NBPF10: variants seen among roughly 807,000 people sequenced by gnomAD.
NBPF10 encodes the protein NBPF member 10.
In NBPF10, 63 loss-of-function variants were observed where a neutral mutation model predicts 77.9. The observed-to-expected ratio is 0.81, with a 90% CI of 0.66 to 1.00. NBPF10 has a LOEUF of 1.00. NBPF10 is among the 50% of genes least tolerant of loss of function. NBPF10 has a pLI of 0.00. For missense variants in NBPF10, 522 were observed against 679.8 expected (o/e 0.77, Z 2.58); for synonymous variants, 146 against 264.5 (o/e 0.55, Z 4.35).
chr1:146,126,102 C>T, intron 14 of NBPF10, 134 bp downstream of exon 14: 2 of 669,230 alleles, frequency 3.0e-6, no homozygotes, highest in Non-Finnish European at 5.4e-6. Context: ...GAGTTTCATT[C>T]AACCTACATG....
exon 86 of NBPF10, chr1:146,069,632 C>G (rs587652859): frequency 9.0e-5 from 140 of 1,563,028 alleles, no homozygotes; most frequent in Admixed American, 2.5e-4. Flanking sequence ...CAGTTCAAGA[C>G]AACCTGAAGG....
rs371797548 is a variant in NBPF10, at chr1:146,126,488, A to T, written c.1854-80T>A. 9 of 728,968 alleles carry T rather than the reference A, an allele frequency of 1.2e-5. No homozygotes were observed. In the Admixed American group the frequency reaches 1.8e-4, roughly 14 times the overall value. The allele number at this position is 728,968 out of a possible 1,614,324, so 45.2% of individuals were successfully genotyped here. ...GCCCCAGCTAGATTTCATGGCTAAC[A>T]TAAGGAAGAGTTTGAAAAGAAAAAG... On this transcript the variant is annotated intron_variant, in intron 13 of 89. Transcript: ENST00000583866.
At chr1:146,125,099 C>T (rs1475080622) in intron 15 of NBPF10, among the ~76,000 whole-genome samples, 3 of 56,760 alleles carry the variant, frequency 5.3e-5, no homozygotes, top group Non-Finnish European at 9.9e-5. Context: ...GTGAGCTCAG[C>T]GAGTTGGCCG....
intron 2 of NBPF10, among the ~76,000 whole-genome samples, chr1:146,142,395 G>T (rs201090614): frequency 3.7e-5 from 5 of 134,394 alleles, no homozygotes; most frequent in African/African-American, 1.0e-4. Flanking sequence ...CTCCTTTGGT[G>T]AATTTTGTGT....
In NBPF10 at chr1:146,126,224, A is replaced by G. The variant is rs782296498; in HGVS notation, c.2026+12T>C. ...CAGTGGATCCTTATCACCTTCATAG[A>G]AAGGTACTCACCATCCATGTCAATA... On this transcript the variant is annotated intron_variant, in intron 14 of 89. Transcript: ENST00000583866. 2 of 1,576,566 alleles carry G rather than the reference A, an allele frequency of 1.3e-6. No individual in the cohort carries two copies. The highest frequency in any genetic ancestry group is 1.7e-6 in the Non-Finnish European group (2 of 1,148,220).
intron 7 of NBPF10, among the ~76,000 whole-genome samples, chr1:146,135,899 G>T (rs2102207170): frequency 6.8e-6 from 1 of 146,048 alleles, no homozygotes; most frequent in South Asian, 2.3e-4. Context: ...GTACAGAAAT[G>T]AGGCCAGGTG....
chr1:146,126,178 T>C (rs1190333946), intron 14 of NBPF10, 58 bp downstream of exon 14: 9 of 930,006 alleles, frequency 9.7e-6, no homozygotes, highest in East Asian at 2.4e-5. Flanking sequence ...GCAGTAGGAA[T>C]ATGACCCTAA....
chr1:146,141,906 C>G lies in NBPF10; in HGVS notation c.279-88G>C, dbSNP rs1553797503. 2.6e-5 allele frequency: 30 copies of G among 1,142,478 alleles called. 2 individuals carry two copies. The highest frequency in any genetic ancestry group is 3.8e-5 in the Non-Finnish European group (29 of 770,308). 70.8% of individuals were successfully genotyped at this position (1,142,478 alleles called of 1,614,324 possible). On this transcript the variant is annotated intron_variant, in intron 2 of 89. Transcript: ENST00000583866. ...GCAACAGAGACTTCTGAGACAATGT[C>G]GTCAAGGAGACCTCCAAGCAGAAGG...
At chr1:146,070,169 C>T (rs1655690050) in intron 85 of NBPF10, among the ~76,000 whole-genome samples, 155 bp downstream of exon 85, 1 of 59,878 alleles carries the variant, frequency 1.7e-5, no homozygotes, top group African/African-American at 9.9e-5. Flanking sequence ...GAAATGGAAA[C>T]CTAAACATCT....
Position 146,139,092 on chromosome 1 carries a change from C to CTTT in NBPF10, c.779-650_779-648dup, listed in dbSNP as rs782186835. Among the ~76,000 whole-genome samples, 40 of 82,444 alleles carry CTTT rather than the reference C, an allele frequency of 4.9e-4. 1 individual carries two copies. Among genetic ancestry groups the CTTT allele is most frequent in the East Asian group, 1.9e-3 (5 of 2,666 alleles). The allele number at this position is 82,444 out of a possible 152,430, so 54.1% of individuals were successfully genotyped here. Reference sequence around the variant, plus strand: ...GCCAGCGCCCCTGGTCAGAGACTTACTTTTTTTTTTTTTTTTTTTTTTTTT... The same window carrying CTTT: ...GCCAGCGCCCCTGGTCAGAGACTTACTTTTTTTTTTTTTTTTTTTTTTTTTTTT... On this transcript the variant is annotated intron_variant, in intron 5 of 89. Coordinates refer to ENST00000583866, the Ensembl canonical transcript of NBPF10.
chr1:146,066,369 C>T (rs782683788), exon 90 of NBPF10: 14 of 1,086,062 alleles, frequency 1.3e-5, no homozygotes, highest in African/African-American at 7.6e-5. Flanking sequence ...GACTTGTCAC[C>T]GTCAAAGTAA....
intron 71 of NBPF10, among the ~76,000 whole-genome samples, chr1:146,080,994 C>A (rs1433613478): frequency 1.2e-5 from 1 of 80,090 alleles, no homozygotes; most frequent in African/African-American, 3.3e-5. Flanking sequence ...CACACACACA[C>A]ACACACACAC....
intron 11 of NBPF10, among the ~76,000 whole-genome samples, chr1:146,130,741 C>G (rs1382292930): frequency 7.8e-6 from 1 of 127,778 alleles, no homozygotes; most frequent in Non-Finnish European, 1.7e-5. Context: ...AAAGGAACAA[C>G]CGGTACCAGC....
intron 88 of NBPF10, among the ~76,000 whole-genome samples, chr1:146,067,744 G>A (rs1233810372): frequency 3.7e-4 from 56 of 150,776 alleles, no homozygotes; most frequent in Non-Finnish European, 6.2e-4. Flanking sequence ...TGTCACATCT[G>A]CCCAGGTCCA....
rs1228186643 is a variant in NBPF10 at position 146,067,880 on chromosome 1, G to A, written c.11035+123C>T. 1,066 of 696,582 alleles carry A rather than the reference G, an allele frequency of 1.5e-3. 19 individuals are homozygous for A. Among genetic ancestry groups the A allele is most frequent in the African/African-American group, 0.012 (696 of 56,362 alleles). The allele number at this position is 696,582 out of a possible 1,614,324, so 43.2% of individuals were successfully genotyped here. A position where few individuals can be genotyped will look rare whatever the true frequency, so the allele number is the denominator to read the frequency against. On this transcript the variant is annotated intron_variant, in intron 88 of 89. Coordinates refer to ENST00000583866, the Ensembl canonical transcript of NBPF10. ...TACAGTTTCATTACAACCTATATGC[G>A]CCCATAGGTCCTGCCTGCGGCAATG...
At chr1:146,066,850 C>A (rs1283657287) in intron 89 of NBPF10, among the ~76,000 whole-genome samples, 6 of 151,374 alleles carry the variant, frequency 4.0e-5, no homozygotes, top group Non-Finnish European at 7.4e-5. Flanking sequence ...TCAAAGGACA[C>A]TCTGACTTAG....
intron 7 of NBPF10, 28 bp downstream of exon 7, chr1:146,136,325 C>A (rs782643109): frequency 1.0e-6 from 1 of 955,400 alleles, no homozygotes; most frequent in African/African-American, 1.9e-5. Flanking sequence ...CACCTGCGCC[C>A]CTGCCTGCCC....
rs4068074 is a variant in NBPF10 at position 146,136,322 on chromosome 1, G to A, written c.1091+31C>T. 153 of 808,336 alleles carry A rather than the reference G, an allele frequency of 1.9e-4. 1 individual carries two copies. The East Asian group carries it at 2.9e-3, about 15-fold the overall frequency. The allele number at this position is 808,336 out of a possible 1,614,324, so 50.1% of individuals were successfully genotyped here. ...GTACTTCAGAGATTTACACACCTGCGCCCCTGCCTGCCCCCATGGGGTCCC... is the reference window on the plus strand; with the variant it reads ...GTACTTCAGAGATTTACACACCTGCACCCCTGCCTGCCCCCATGGGGTCCC... On this transcript the variant is annotated intron_variant, in intron 7 of 89. Coordinates refer to ENST00000583866, the Ensembl canonical transcript of NBPF10.
chr1:146,125,890 T>C (rs1168850279), intron 14 of NBPF10, among the ~76,000 whole-genome samples: 1 of 151,230 alleles, frequency 6.6e-6, no homozygotes, highest in East Asian at 1.9e-4. Context: ...GTAGCGAGGA[T>C]TTTAGACGCT....
Sources: gnomAD v4.1 joint callset for allele counts (sites outside exome capture counted in the v4.1 genomes callset) on GRCh38, gnomAD v4.1.1 for gene constraint, MANE v1.5 for transcripts, NCBI Gene and HGNC (gene_info 2026-07-23, HGNC 2026-07-21) for gene names.